The following COL8A1 variants were observed in gnomAD, a reference collection of about 807,000 sequenced individuals.
The protein encoded by COL8A1 is collagen type VIII alpha 1 chain.
A neutral mutation model predicts 42.7 loss-of-function variants in COL8A1; 21 were observed. The ratio of observed to expected loss-of-function variants is 0.49; its 90% CI spans 0.35 to 0.71. The LOEUF (loss-of-function observed/expected upper bound fraction) is 0.71. Ranked by LOEUF, COL8A1 falls within the 30% of genes least tolerant of loss-of-function variation. COL8A1 has a pLI of 0.01. For synonymous variants in COL8A1, 367 were observed against 369.1 expected, an observed-to-expected ratio of 0.99 and a Z score of 0.06; for missense variants, 788 against 962.4, an observed-to-expected ratio of 0.82 and a Z score of 2.40.
intron 1 of COL8A1, among the ~76,000 whole-genome samples, chr3:99,653,856 G>A (rs939761259): frequency 6.6e-6 from 1 of 151,974 alleles, no homozygotes; most frequent in African/African-American, 2.4e-5. Context: ...GGGTTCTCTA[G>A]AGGGACAGAG....
At chr3:99,768,882 T>TCA (rs200823197) in intron 2 of COL8A1, among the ~76,000 whole-genome samples, 3 of 152,248 alleles carry the variant, frequency 2.0e-5, no homozygotes, top group African/African-American at 7.2e-5. Context: ...TCAAAGTTAT[T>TCA]CACACACATG....
chr3:99,640,418 C>A (rs1382782608), intron 1 of COL8A1, among the ~76,000 whole-genome samples: 1 of 152,172 alleles, frequency 6.6e-6, no homozygotes, highest in South Asian at 2.1e-4. Flanking sequence ...CCCATTATCA[C>A]AAGGATGAAA....
chr3:99,775,583 C>G (rs1047399799), intron 2 of COL8A1, among the ~76,000 whole-genome samples: 1 of 152,148 alleles, frequency 6.6e-6, no homozygotes, highest in Non-Finnish European at 1.5e-5. Flanking sequence ...ACAAATTAAT[C>G]GTGCCATGAT....
At chr3:99,659,521 C>T (rs796820344) in intron 1 of COL8A1, among the ~76,000 whole-genome samples, 24 of 152,232 alleles carry the variant, frequency 1.6e-4, no homozygotes, top group African/African-American at 4.8e-4. Context: ...AATAATGTCC[C>T]GTTTAGCCCC....
Position 99,665,359 on chromosome 3 carries a change from C to A in COL8A1, c.-129+26695C>A, listed in dbSNP as rs74985352. Among the ~76,000 whole-genome samples the A allele has an allele frequency of 1.2e-3, 185 of 152,352 alleles. 2 individuals carry two copies. In the East Asian group the frequency reaches 0.028, roughly 23 times the overall value. On this transcript the variant is annotated intron_variant, in intron 1 of 3. Transcript: ENST00000652472. Reference sequence around the variant, plus strand: ...CTCCAACTTTCCCCCATCTTTATGTCCTTTCTCAGATAACATGGAGGAGAG... The same window carrying A: ...CTCCAACTTTCCCCCATCTTTATGTACTTTCTCAGATAACATGGAGGAGAG...
chr3:99,666,663 T>G (rs1938376143), intron 1 of COL8A1, among the ~76,000 whole-genome samples: 1 of 152,220 alleles, frequency 6.6e-6, no homozygotes, highest in Non-Finnish European at 1.5e-5. Flanking sequence ...TGTTTCCACT[T>G]TCTGTTGAAA....
Position 99,731,945 on chromosome 3 carries a change from C to T in COL8A1, c.-128-12952C>T, listed in dbSNP as rs371897875. On this transcript the variant is annotated intron_variant, in intron 1 of 3. Transcript: ENST00000652472. ...GTATAAAACTATTAAGGCCACATAA[C>T]AAAATGAGAGTGATGCCTCTACAAG... 4.6e-5 allele frequency among the ~76,000 whole-genome samples: 7 copies of T among 152,112 alleles called. No individual in the cohort carries two copies. The East Asian group carries it at 7.7e-4, about 17-fold the overall frequency.
chr3:99,648,968 G>A (rs1937747173), intron 1 of COL8A1, among the ~76,000 whole-genome samples: 1 of 151,952 alleles, frequency 6.6e-6, no homozygotes, highest in Non-Finnish European at 1.5e-5. Flanking sequence ...CCTTTATCCT[G>A]TGCCAAAGAC....
rs578096512 is a variant in COL8A1 at position 99,688,185 on chromosome 3, T to C, written c.-129+49521T>C. On this transcript the variant is annotated intron_variant, in intron 1 of 3. Coordinates refer to ENST00000652472, the MANE Select transcript of COL8A1 (RefSeq NM_020351.4). ...TTATGCCAAATGATAATGTATTTCTTGCTTACTGTTGTAACAAACCACCAC... is the reference window on the plus strand; with the variant it reads ...TTATGCCAAATGATAATGTATTTCTCGCTTACTGTTGTAACAAACCACCAC... 2.6e-5 allele frequency among the ~76,000 whole-genome samples: 4 copies of C among 152,350 alleles called. No individual in the cohort carries two copies. In the South Asian group the frequency reaches 8.3e-4, roughly 32 times the overall value.
At chr3:99,668,692 A>C (rs538128467) in intron 1 of COL8A1, among the ~76,000 whole-genome samples, 1 of 152,208 alleles carries the variant, frequency 6.6e-6, no homozygotes, top group African/African-American at 2.4e-5. Flanking sequence ...AGTTGGTGGC[A>C]GATGATTTCC....
At chr3:99,780,087 CT>C (rs1448115984) in intron 2 of COL8A1, among the ~76,000 whole-genome samples, 4 of 152,174 alleles carry the variant, frequency 2.6e-5, no homozygotes, top group African/African-American at 7.2e-5. Context: ...ACCACCACCC[CT>C]GTTTTCTTTT....
chr3:99,697,361 T>A (rs543431484), intron 1 of COL8A1, among the ~76,000 whole-genome samples: 1 of 152,304 alleles, frequency 6.6e-6, no homozygotes, highest in African/African-American at 2.4e-5. Context: ...ACAGGAGATA[T>A]TAAAGGCGTA....
chr3:99,642,124 T>C (rs1937516185), intron 1 of COL8A1, among the ~76,000 whole-genome samples: 1 of 152,194 alleles, frequency 6.6e-6, no homozygotes, highest in Non-Finnish European at 1.5e-5. Context: ...TACTAAATTA[T>C]AGCTCTATTA....
At chr3:99,782,692 C>G (rs1398918150) in intron 2 of COL8A1, among the ~76,000 whole-genome samples, 1 of 152,062 alleles carries the variant, frequency 6.6e-6, no homozygotes, top group African/African-American at 2.4e-5. Flanking sequence ...GCACCCGGCC[C>G]CTGACATTAT....
At chr3:99,669,996 T>C (rs1039191279) in intron 1 of COL8A1, among the ~76,000 whole-genome samples, 19 of 152,150 alleles carry the variant, frequency 1.2e-4, no homozygotes, top group African/African-American at 4.6e-4. Context: ...GTATAATTTC[T>C]GACTCAAAAA....
intron 1 of COL8A1, among the ~76,000 whole-genome samples, chr3:99,651,185 C>G (rs1189216353): frequency 6.6e-6 from 1 of 152,092 alleles, no homozygotes; most frequent in African/African-American, 2.4e-5. Flanking sequence ...TGAAAAAGTT[C>G]CATTATTCAT....
intron 2 of COL8A1, among the ~76,000 whole-genome samples, chr3:99,782,432 C>T (rs1255442029): frequency 6.6e-6 from 1 of 152,096 alleles, no homozygotes; most frequent in Non-Finnish European, 1.5e-5. Flanking sequence ...CGCTCTGTTG[C>T]CCAGGATGGA....
At chr3:99,640,910 T>C (rs1043938769) in intron 1 of COL8A1, among the ~76,000 whole-genome samples, 6 of 152,110 alleles carry the variant, frequency 3.9e-5, no homozygotes, top group African/African-American at 1.4e-4. Context: ...ACCCAACCAA[T>C]GCCATTGAGG....
At position 99,692,446 on chromosome 3, in the gene COL8A1, C is replaced by T. The variant is rs73858900; in HGVS notation, c.-128-52451C>T. 9.2e-3 allele frequency among the ~76,000 whole-genome samples: 1,407 copies of T among 152,296 alleles called. 24 individuals carry two copies. Among genetic ancestry groups the T allele is most frequent in the African/African-American group, 0.032 (1,329 of 41,558 alleles). ...GTAACAAGTCTCTTTTGCCTTGGGGCAATCTTTTCTTTTCCATTTTGTTCC... is the reference window on the plus strand; with the variant it reads ...GTAACAAGTCTCTTTTGCCTTGGGGTAATCTTTTCTTTTCCATTTTGTTCC... On this transcript the variant is annotated intron_variant, in intron 1 of 3. Coordinates refer to ENST00000652472, the MANE Select transcript of COL8A1 (RefSeq NM_020351.4).
Sources: gnomAD v4.1 joint callset for allele counts (sites outside exome capture counted in the v4.1 genomes callset) on GRCh38, gnomAD v4.1.1 for gene constraint, MANE v1.5 for transcripts, NCBI Gene and HGNC (gene_info 2026-07-23, HGNC 2026-07-21) for gene names.